Variants in CTNNBL1 observed in about 807,000 individuals in gnomAD.
CTNNBL1 encodes the protein catenin beta like 1.
In CTNNBL1, 31 loss-of-function variants were observed where a neutral mutation model predicts 72.7. That is an observed-to-expected ratio of 0.43 (90% confidence interval 0.32 to 0.58). The LOEUF is 0.58. Ranked by LOEUF, CTNNBL1 falls within the 20% of genes least tolerant of loss-of-function variation. The probability of loss-of-function intolerance (pLI) is 0.08; values close to 1 mark genes in which losing one functional copy is unlikely to be tolerated. For synonymous variants in CTNNBL1, 240 were observed against 267.3 expected (o/e 0.90, Z 1.00); for missense variants, 534 against 725.1 (o/e 0.74, Z 3.03).
At chr20:37,850,835 G>A (rs1036651088) in intron 13 of CTNNBL1, among the ~76,000 whole-genome samples, 2 of 152,202 alleles carry the variant, frequency 1.3e-5, no homozygotes, top group African/African-American at 4.8e-5. Context: ...TCTGAGTCAT[G>A]TCCCGTGTTA....
At chr20:37,733,496 A>G (rs2122599723) in intron 2 of CTNNBL1, among the ~76,000 whole-genome samples, 2 of 152,336 alleles carry the variant, frequency 1.3e-5, no homozygotes, top group East Asian at 3.9e-4. Flanking sequence ...GTGTGACTGC[A>G]AAAGTACAGC....
chr20:37,809,737 T>C (rs2071992574), intron 11 of CTNNBL1, among the ~76,000 whole-genome samples: 1 of 152,174 alleles, frequency 6.6e-6, no homozygotes, highest in Admixed American at 6.5e-5. Flanking sequence ...CCATTTCAAA[T>C]TATAGAAGTT....
chr20:37,817,938 G>A (rs138596143), intron 11 of CTNNBL1, among the ~76,000 whole-genome samples: 1 of 152,158 alleles, frequency 6.6e-6, no homozygotes, highest in Non-Finnish European at 1.5e-5. Flanking sequence ...TCTATTCCTA[G>A]CATGTCTTAT....
intron 10 of CTNNBL1, among the ~76,000 whole-genome samples, chr20:37,782,445 T>C (rs1199869539): frequency 6.6e-6 from 1 of 152,178 alleles, no homozygotes; most frequent in East Asian, 1.9e-4. Context: ...TGAGGCATAA[T>C]TTTTATACAG....
intron 7 of CTNNBL1, chr20:37,777,133 C>A: frequency 2.0e-6 from 1 of 497,988 alleles, no homozygotes; most frequent in Non-Finnish European, 3.7e-6. Context: ...AATACCTGGG[C>A]ATTAAGAGTG....
At position 37,739,621 on chromosome 20, in the gene CTNNBL1, C is replaced by A. The variant is rs113476467; in HGVS notation, c.326+2137C>A. Among the ~76,000 whole-genome samples the A allele has an allele frequency of 3.7e-3, 569 of 152,238 alleles. 4 individuals carry two copies. The highest frequency in any genetic ancestry group is 0.013 in the African/African-American group (556 of 41,534). On this transcript the variant is annotated intron_variant, in intron 3 of 15. Coordinates refer to ENST00000361383, the MANE Select transcript of CTNNBL1 (RefSeq NM_030877.5). ...TTTTCTCACTGTATTTTTAAATTCTCCCCCCAGCAGCAGCATCTCTTTTCT... is the reference window on the plus strand; with the variant it reads ...TTTTCTCACTGTATTTTTAAATTCTACCCCCAGCAGCAGCATCTCTTTTCT...
intron 7 of CTNNBL1, among the ~76,000 whole-genome samples, chr20:37,772,167 T>C (rs923395867): frequency 2.6e-5 from 4 of 152,346 alleles, no homozygotes; most frequent in African/African-American, 9.6e-5. Context: ...CTAAATTTTA[T>C]AATTACAAGG....
intron 15 of CTNNBL1, among the ~76,000 whole-genome samples, chr20:37,867,565 T>G (rs1339291658): frequency 6.6e-6 from 1 of 152,196 alleles, no homozygotes; most frequent in Non-Finnish European, 1.5e-5. Flanking sequence ...TTTGAAAATG[T>G]GGGGGAAGTA....
intron 10 of CTNNBL1, among the ~76,000 whole-genome samples, chr20:37,796,958 C>T (rs6067648): frequency 0.53 from 80,703 of 151,606 alleles, 23,183 homozygotes; most frequent in East Asian, 0.82. Flanking sequence ...AAGTCTGTGG[C>T]GGGCGGTGGG....
At chr20:37,801,579 T>C (rs2073824173) in intron 10 of CTNNBL1, among the ~76,000 whole-genome samples, 1 of 152,188 alleles carries the variant, frequency 6.6e-6, no homozygotes, top group Non-Finnish European at 1.5e-5. Flanking sequence ...TTTAATTCTA[T>C]GTTCATTATG....
chr20:37,771,509 C>T (rs1439033029), intron 7 of CTNNBL1, among the ~76,000 whole-genome samples: 4 of 152,076 alleles, frequency 2.6e-5, no homozygotes, highest in African/African-American at 9.7e-5. Flanking sequence ...TACCCAGGCC[C>T]AGTTTGACCT....
intron 1 of CTNNBL1, among the ~76,000 whole-genome samples, chr20:37,725,099 T>G (rs923340675): frequency 3.3e-5 from 5 of 151,760 alleles, no homozygotes; most frequent in Non-Finnish European, 7.4e-5. Flanking sequence ...TAGAGACAGG[T>G]CCTCACTATG....
chr20:37,748,873 G>T (rs576713316), intron 4 of CTNNBL1, among the ~76,000 whole-genome samples: 1 of 152,326 alleles, frequency 6.6e-6, no homozygotes, highest in South Asian at 2.1e-4. Context: ...TCTGTGGGGG[G>T]ATATAAACAT....
rs117977391 is a variant in CTNNBL1, at chr20:37,752,656, G to T, written c.467-4903G>T. On this transcript the variant is annotated intron_variant, in intron 4 of 15. Coordinates refer to ENST00000361383, the MANE Select transcript of CTNNBL1 (RefSeq NM_030877.5). The stretch of plus-strand genomic sequence containing the variant: ...GTACCAAGACTCTAAGTGGGATATG[G>T]CTCCAAAACAAATATCCACAGCCAA... 2.8e-3 allele frequency among the ~76,000 whole-genome samples: 427 copies of T among 151,286 alleles called. 5 individuals are homozygous for T. The highest frequency in any genetic ancestry group is 0.017 in the East Asian group (88 of 5,146).
Position 37,756,427 on chromosome 20 carries a change from G to A in CTNNBL1, c.467-1132G>A, listed in dbSNP as rs80285144. On this transcript the variant is annotated intron_variant, in intron 4 of 15. Coordinates refer to ENST00000361383, the MANE Select transcript of CTNNBL1 (RefSeq NM_030877.5). ...CTCTCTCTCTCTCTCTCTCTCCCCC[G>A]TTGTGTGTGTGTGCACCCGTGTGTG... The A allele has an allele frequency of 4.1e-3, 612 of 149,040 alleles. 15 individuals are homozygous for A. In the East Asian group the frequency reaches 0.072, roughly 18 times the overall value. 9.2% of individuals were successfully genotyped at this position (149,040 alleles called of 1,614,324 possible). A position where few individuals can be genotyped will look rare whatever the true frequency, so the allele number is the denominator to read the frequency against.
chr20:37,750,768 A>G lies in CTNNBL1; in HGVS notation c.466+4161A>G, dbSNP rs147436150. ...TTTTTTTGGTAGATCACTGTTATTTACTGGGTTCTTCCTTTGTATGCTAAG... is the reference window on the plus strand; with the variant it reads ...TTTTTTTGGTAGATCACTGTTATTTGCTGGGTTCTTCCTTTGTATGCTAAG... On this transcript the variant is annotated intron_variant, in intron 4 of 15. Transcript: ENST00000361383. 5.3e-5 allele frequency: 8 copies of G among 152,248 alleles called. No homozygotes were observed. In the South Asian group the frequency reaches 1.7e-3, roughly 32 times the overall value. The allele number at this position is 152,248 out of a possible 1,614,324, so 9.4% of individuals were successfully genotyped here.
At chr20:37,777,183 G>A in intron 7 of CTNNBL1, 162 bp from the exon 8 acceptor site, 1 of 585,276 alleles carries the variant, frequency 1.7e-6, no homozygotes, top group South Asian at 2.0e-5. Flanking sequence ...ACTTGGTTCT[G>A]GTCTCTTGAG....
At chr20:37,866,136 A>G (rs757303756) in intron 15 of CTNNBL1, among the ~76,000 whole-genome samples, 4 of 152,242 alleles carry the variant, frequency 2.6e-5, no homozygotes, top group Non-Finnish European at 5.9e-5. Context: ...AGAGGCCTGT[A>G]TGTTAGCCCT....
intron 11 of CTNNBL1, among the ~76,000 whole-genome samples, chr20:37,826,012 G>A (rs1013026304): frequency 6.6e-6 from 1 of 152,240 alleles, no homozygotes. Context: ...TGAAGGCTTC[G>A]TGGACCTCTC....
Sources: gnomAD v4.1 joint callset for allele counts (sites outside exome capture counted in the v4.1 genomes callset) on GRCh38, gnomAD v4.1.1 for gene constraint, MANE v1.5 for transcripts, NCBI Gene and HGNC (gene_info 2026-07-23, HGNC 2026-07-21) for gene names.